The following CFAP61 variants were observed in gnomAD, a reference collection of about 807,000 sequenced individuals.
The protein encoded by CFAP61 is cilia and flagella associated protein 61.
Under a neutral mutation model 135.6 loss-of-function variants are expected in CFAP61, and 107 were observed. The ratio of observed to expected loss-of-function variants is 0.79; its 90% confidence interval spans 0.67 to 0.93. The LOEUF (loss-of-function observed/expected upper bound fraction) is 0.93. Among genes scored for constraint, CFAP61 ranks in the 40% least tolerant of loss-of-function variants. The pLI, the probability that CFAP61 is intolerant of heterozygous loss-of-function variation, is 0.00. For synonymous variants in CFAP61, 575 were observed against 578.5 expected, an observed-to-expected ratio of 0.99 and a Z score of 0.09; for missense variants, 1,507 against 1,556.2, an observed-to-expected ratio of 0.97 and a Z score of 0.53.
intron 9 of CFAP61, among the ~76,000 whole-genome samples, chr20:20,143,158 C>T (rs556598909): frequency 6.6e-6 from 1 of 152,334 alleles, no homozygotes; most frequent in African/African-American, 2.4e-5. Context: ...CACTGGTGTG[C>T]TCCAAAATTC....
intron 17 of CFAP61, 96 bp downstream of exon 17, chr20:20,199,998 T>C: frequency 7.1e-7 from 1 of 1,406,382 alleles, no homozygotes; most frequent in Non-Finnish European, 9.8e-7. Flanking sequence ...GCAGGCTGCT[T>C]CTTAATTACA....
intron 20 of CFAP61, chr20:20,253,747 G>A (rs980575150): frequency 1.2e-4 from 33 of 273,182 alleles, no homozygotes; most frequent in Admixed American, 7.4e-4. Context: ...ATACCCTGAC[G>A]GCCTGAGCAG....
intron 1 of CFAP61, among the ~76,000 whole-genome samples, chr20:20,053,420 A>G (rs976307822): frequency 6.6e-6 from 1 of 152,176 alleles, no homozygotes; most frequent in Admixed American, 6.5e-5. Flanking sequence ...TTGAACCTAC[A>G]TTGACACATC....
intron 8 of CFAP61, among the ~76,000 whole-genome samples, chr20:20,110,305 A>G (rs961984717): frequency 1.3e-5 from 2 of 151,966 alleles, no homozygotes; most frequent in East Asian, 1.9e-4. Flanking sequence ...ATATAATACT[A>G]TGTATAAACT....
At chr20:20,232,835 G>A (rs898940816) in intron 18 of CFAP61, 1 of 152,226 alleles carries the variant, frequency 6.6e-6, no homozygotes, top group African/African-American at 2.4e-5. Flanking sequence ...AAGCAGCCCA[G>A]CTGGTGTCCC....
intron 13 of CFAP61, among the ~76,000 whole-genome samples, chr20:20,187,562 C>T (rs1366908162): frequency 2.0e-5 from 3 of 152,188 alleles, no homozygotes; most frequent in African/African-American, 7.2e-5. Flanking sequence ...GGGTCCCACA[C>T]TCATGAAGCC....
At chr20:20,071,356 T>C (rs898949526) in intron 3 of CFAP61, among the ~76,000 whole-genome samples, 4 of 152,214 alleles carry the variant, frequency 2.6e-5, no homozygotes, top group African/African-American at 9.6e-5. Context: ...ACCTGCCGTC[T>C]ACACAATTGC....
At chr20:20,127,537 G>A (rs562357084) in intron 8 of CFAP61, among the ~76,000 whole-genome samples, 9 of 151,662 alleles carry the variant, frequency 5.9e-5, no homozygotes, top group South Asian at 2.1e-4. Flanking sequence ...GGGCTGGTAC[G>A]GGGGGTTGTC....
At chr20:20,340,940 CCCCCGTGG>C (rs2058420804) in intron 25 of CFAP61, among the ~76,000 whole-genome samples, 3 of 152,136 alleles carry the variant, frequency 2.0e-5, no homozygotes, top group Non-Finnish European at 2.9e-5. Context: ...TCCTCTAGTG[CCCCCGTGG>C]CCCCTGGGAC....
chr20:20,210,874 C>T (rs1032376495), intron 17 of CFAP61, among the ~76,000 whole-genome samples: 2 of 152,058 alleles, frequency 1.3e-5, no homozygotes, highest in African/African-American at 2.4e-5. Flanking sequence ...ACCTGTCATC[C>T]CACACTTTGG....
intron 1 of CFAP61, among the ~76,000 whole-genome samples, chr20:20,055,154 T>A (rs927409671): frequency 6.6e-6 from 1 of 152,208 alleles, no homozygotes; most frequent in African/African-American, 2.4e-5. Flanking sequence ...TGTTCTTTTT[T>A]AAATAATGAC....
In CFAP61 at chr20:20,097,180, C is replaced by A. The variant is rs146656832; in HGVS notation, c.700-1475C>A. On this transcript the variant is annotated intron_variant, in intron 7 of 26. Transcript: ENST00000245957. ...CTGTTTTAGGAGATTAAAGCATTTT[C>A]TCTGACTGGGCATTTATGGAAAGAT... is the stretch of plus-strand genomic sequence containing the variant. Among the ~76,000 whole-genome samples the A allele has an allele frequency of 7.4e-4, 111 of 150,462 alleles. No homozygotes were observed. In the Middle Eastern group the frequency reaches 0.01, roughly 14 times the overall value.
intron 25 of CFAP61, among the ~76,000 whole-genome samples, chr20:20,317,642 C>G (rs1345519881): frequency 6.6e-6 from 1 of 152,202 alleles, no homozygotes; most frequent in Non-Finnish European, 1.5e-5. Context: ...ATAGGTGCCA[C>G]TCTTTGGATC....
intron 25 of CFAP61, among the ~76,000 whole-genome samples, chr20:20,307,792 G>A (rs936873442): frequency 3.9e-5 from 6 of 152,152 alleles, no homozygotes; most frequent in Admixed American, 3.9e-4. Flanking sequence ...GCTTTACTTA[G>A]AATAAATGTA....
chr20:20,178,109 G>A (rs1269414870), intron 13 of CFAP61, among the ~76,000 whole-genome samples: 1 of 152,114 alleles, frequency 6.6e-6, no homozygotes, highest in Non-Finnish European at 1.5e-5. Flanking sequence ...GGCTGTGCTG[G>A]TGAGCACTGG....
intron 17 of CFAP61, among the ~76,000 whole-genome samples, chr20:20,223,779 G>A (rs1453688295): frequency 2.0e-5 from 3 of 152,122 alleles, no homozygotes; most frequent in East Asian, 3.9e-4. Context: ...TCAAAACTGT[G>A]TATTTCAGTT....
intron 8 of CFAP61, among the ~76,000 whole-genome samples, chr20:20,129,331 G>T (rs1356222531): frequency 6.6e-6 from 1 of 151,766 alleles, no homozygotes; most frequent in African/African-American, 2.4e-5. Context: ...GGACAAGTTT[G>T]CTGGATACAG....
chr20:20,064,925 A>C (rs1015088526), intron 2 of CFAP61, among the ~76,000 whole-genome samples: 1 of 152,172 alleles, frequency 6.6e-6, no homozygotes, highest in Non-Finnish European at 1.5e-5. Flanking sequence ...CTTGCCAACT[A>C]AAGGTTCATT....
intron 22 of CFAP61, among the ~76,000 whole-genome samples, chr20:20,281,868 A>G (rs1274404897): frequency 1.3e-5 from 2 of 152,218 alleles, no homozygotes; most frequent in Non-Finnish European, 2.9e-5. Flanking sequence ...GACAGAATTA[A>G]CCAGTGAAAC....
Sources: gnomAD v4.1 joint callset for allele counts (sites outside exome capture counted in the v4.1 genomes callset) on GRCh38, gnomAD v4.1.1 for gene constraint, MANE v1.5 for transcripts, NCBI Gene and HGNC (gene_info 2026-07-23, HGNC 2026-07-21) for gene names.